The following MGAT5B variants were observed in gnomAD, a reference collection of about 807,000 sequenced individuals.
MGAT5B encodes alpha-1,6-mannosylglycoprotein 6-beta-N-acetylglucosaminyltransferase B, also known as N-acetylglucosaminyl-transferase Vb.
Under a neutral mutation model 95.1 loss-of-function variants are expected in MGAT5B, and 54 were observed. The ratio of observed to expected loss-of-function variants is 0.57; its 90% CI spans 0.46 to 0.71. MGAT5B has a LOEUF of 0.71. Among genes scored for constraint, MGAT5B ranks in the 30% least tolerant of loss-of-function variants. The pLI is 0.00. For synonymous variants in MGAT5B, 464 were observed against 451.0 expected (o/e 1.03, Z -0.36); for missense variants, 935 against 1,088.6 (o/e 0.86, Z 1.99).
chr17:76,921,422 A>G (rs79628026), intron 8 of MGAT5B, among the ~76,000 whole-genome samples: 4,557 of 151,972 alleles, frequency 0.03, 237 homozygotes, highest in African/African-American at 0.1. Flanking sequence ...CAGGGTGTGC[A>G]TGGGGGAAGC....
chr17:76,873,601 C>T (rs574694404), intron 2 of MGAT5B, among the ~76,000 whole-genome samples: 5 of 152,318 alleles, frequency 3.3e-5, no homozygotes, highest in East Asian at 1.9e-4. Flanking sequence ...GGGGCTCACA[C>T]GTGGACATTA....
chr17:76,904,176 G>C, intron 5 of MGAT5B, 76 bp from the exon 6 acceptor site: 1 of 1,439,662 alleles, frequency 6.9e-7, no homozygotes, highest in East Asian at 2.5e-5. Flanking sequence ...GGACCCCTGG[G>C]GGTGCACGTG....
At chr17:76,931,463 G>A (rs1969473337) in intron 10 of MGAT5B, among the ~76,000 whole-genome samples, 1 of 152,202 alleles carries the variant, frequency 6.6e-6, no homozygotes, top group African/African-American at 2.4e-5. Flanking sequence ...GTGCTGTGAT[G>A]AAAAATAAAG....
chr17:76,948,662 A>G lies in MGAT5B; in HGVS notation c.2203A>G (p.Thr735Ala), dbSNP rs1357594253. 1 of 1,612,598 alleles carries G rather than the reference A, an allele frequency of 6.2e-7. No individual in the cohort carries two copies. The highest frequency in any genetic ancestry group is 8.5e-7 in the Non-Finnish European group (1 of 1,179,690). The change falls in exon 18 of 18, where the codon ACC becomes GCC. Residue 735 changes from threonine (T) to alanine (A), a missense_variant. Thr to Ala is a moderately conservative substitution (Grantham distance 58). Coordinates refer to ENST00000569840, the MANE Select transcript of MGAT5B (RefSeq NM_001199172.2). ...CAGGCTGCAGGTGCCCTGTGACAGC[A>G]CCGAGTCGGAGATGAACCACCTGTA... ...FLKLQVPCDSTESEMNHLYPA... is the reference protein window; with the variant it reads ...FLKLQVPCDSAESEMNHLYPA...
At chr17:76,945,446 C>T (rs1230665222) in intron 15 of MGAT5B, among the ~76,000 whole-genome samples, 4 of 152,150 alleles carry the variant, frequency 2.6e-5, no homozygotes, top group South Asian at 2.1e-4. Context: ...CCTGCCACCA[C>T]GCCTAGCTAA....
chr17:76,925,363 G>T (rs908705094), intron 9 of MGAT5B, among the ~76,000 whole-genome samples: 13 of 145,356 alleles, frequency 8.9e-5, no homozygotes, highest in African/African-American at 3.4e-4. Flanking sequence ...GGAGGCCGGG[G>T]TCATCTACAT....
At chr17:76,887,551 TTTC>T (rs1217331804) in intron 3 of MGAT5B, among the ~76,000 whole-genome samples, 1 of 102,160 alleles carries the variant, frequency 9.8e-6, no homozygotes, top group Non-Finnish European at 1.8e-5. Context: ...TCCTTTCTTT[TTTC>T]TTTTCTTTTT....
chr17:76,920,056 C>G (rs1484342806), intron 8 of MGAT5B, among the ~76,000 whole-genome samples: 1 of 152,188 alleles, frequency 6.6e-6, no homozygotes, highest in Non-Finnish European at 1.5e-5. Flanking sequence ...GATTTAGACT[C>G]CTATTCATCT....
At chr17:76,875,738 T>G (rs1967166114) in intron 2 of MGAT5B, among the ~76,000 whole-genome samples, 1 of 148,510 alleles carries the variant, frequency 6.7e-6, no homozygotes, top group Non-Finnish European at 1.5e-5. Flanking sequence ...CGACCATTGG[T>G]GGGCATTTGG....
At chr17:76,883,380 C>T (rs1230002821) in intron 3 of MGAT5B, among the ~76,000 whole-genome samples, 1 of 152,160 alleles carries the variant, frequency 6.6e-6, no homozygotes, top group African/African-American at 2.4e-5. Flanking sequence ...CCATTTTTGC[C>T]AAGTAGAACT....
chr17:76,934,274 G>A (rs1384513356), intron 12 of MGAT5B, among the ~76,000 whole-genome samples: 1 of 152,180 alleles, frequency 6.6e-6, no homozygotes, highest in Non-Finnish European at 1.5e-5. Context: ...ATGTGATCCT[G>A]CCCACTCTAT....
chr17:76,890,095 C>T (rs1307641677), intron 3 of MGAT5B, among the ~76,000 whole-genome samples: 1 of 152,240 alleles, frequency 6.6e-6, no homozygotes, highest in Non-Finnish European at 1.5e-5. Context: ...GGGCCAGACT[C>T]ACTGCCACCA....
chr17:76,945,541 G>A (rs1218573060), intron 15 of MGAT5B, among the ~76,000 whole-genome samples: 4 of 152,058 alleles, frequency 2.6e-5, no homozygotes, highest in Non-Finnish European at 5.9e-5. Context: ...CGCCCACCTC[G>A]GCCTCCCAAA....
chr17:76,887,473 TCCTC>T (rs1164605535), intron 3 of MGAT5B, among the ~76,000 whole-genome samples: 55 of 19,016 alleles, frequency 2.9e-3, no homozygotes, highest in African/African-American at 5.1e-3. Context: ...CTCCCTCCCT[TCCTC>T]CCTCCCTCCC....
intron 3 of MGAT5B, among the ~76,000 whole-genome samples, chr17:76,884,421 TTTTA>T (rs1163340561): frequency 6.7e-6 from 1 of 149,070 alleles, no homozygotes; most frequent in South Asian, 2.1e-4. Flanking sequence ...TTCTAAGAGG[TTTTA>T]TTTATTTATT....
At chr17:76,873,300 C>T (rs1356068933) in intron 2 of MGAT5B, among the ~76,000 whole-genome samples, 3 of 152,380 alleles carry the variant, frequency 2.0e-5, no homozygotes, top group Non-Finnish European at 4.4e-5. Flanking sequence ...TTGAGGCACA[C>T]ATTTCCTTGC....
chr17:76,918,778 C>T lies in MGAT5B; in HGVS notation c.1026-6188C>T, dbSNP rs1272980977. 6.6e-6 allele frequency among the ~76,000 whole-genome samples: 1 copy of T among 152,160 alleles called. No individual in the cohort carries two copies. Among genetic ancestry groups the T allele is most frequent in the Admixed American group, 6.5e-5 (1 of 15,286 alleles). On this transcript the variant is annotated intron_variant, in intron 8 of 17. Coordinates refer to ENST00000569840, the MANE Select transcript of MGAT5B (RefSeq NM_001199172.2). This position sits in a 1 kb window ranked among gnomAD's most constrained non-coding sequence, Gnocchi z 5.1. The stretch of plus-strand genomic sequence containing the variant: ...TCCCAGGCTGCCCCAGCTGTGTGTT[C>T]CCCTTGAGAGGCACCCAGTGAAGTT...
intron 15 of MGAT5B, among the ~76,000 whole-genome samples, chr17:76,941,901 G>A (rs940713677): frequency 8.5e-5 from 13 of 152,336 alleles, no homozygotes; most frequent in Admixed American, 2.0e-4. Flanking sequence ...TCCTGCCCGA[G>A]GAGAAAGAGG....
In MGAT5B at chr17:76,872,480, G is replaced by C. The variant is rs112648949; in HGVS notation, c.69-371G>C. 3.5e-3 allele frequency among the ~76,000 whole-genome samples: 527 copies of C among 152,348 alleles called. 2 individuals carry two copies. The highest frequency in any genetic ancestry group is 0.012 in the African/African-American group (504 of 41,582). On this transcript the variant is annotated intron_variant, in intron 1 of 17. Transcript: ENST00000569840. ...ATTCAGTAATTTGGGGTCTGGGCCCGGCATTGGCATTTCTAAGGAGTCTCA... is the reference window on the plus strand; with the variant it reads ...ATTCAGTAATTTGGGGTCTGGGCCCCGCATTGGCATTTCTAAGGAGTCTCA...
Sources: gnomAD v4.1 joint callset for allele counts (sites outside exome capture counted in the v4.1 genomes callset) on GRCh38, gnomAD v4.1.1 for gene constraint, Gnocchi (gnomAD v3.1) non-coding constraint, MANE v1.5 for transcripts, NCBI Gene and HGNC (gene_info 2026-07-23, HGNC 2026-07-21) for gene names.